The following REDIC1 variants were observed in gnomAD, a reference collection of about 807,000 sequenced individuals.
REDIC1 encodes the protein regulator of DNA class I crossover intermediates 1.
chr12:39,779,358 T>C, the REDIC1 span, among the ~76,000 whole-genome samples: 1 of 152,202 alleles, frequency 6.6e-6, no homozygotes, highest in Non-Finnish European at 1.5e-5. Flanking sequence ...ACTGATGTTT[T>C]TCTACACTTA....
the REDIC1 span, among the ~76,000 whole-genome samples, chr12:39,900,041 C>G: frequency 6.6e-6 from 1 of 152,000 alleles, no homozygotes. Context: ...TCATTATATG[C>G]AAATCAATAA....
At chr12:39,809,752 C>T in the REDIC1 span, among the ~76,000 whole-genome samples, 107 of 152,110 alleles carry the variant, frequency 7.0e-4, no homozygotes, top group African/African-American at 2.4e-3. Flanking sequence ...TGAGAACATG[C>T]GGTGTTTGGT....
the REDIC1 span, among the ~76,000 whole-genome samples, chr12:39,813,490 T>C: frequency 2.0e-5 from 3 of 152,316 alleles, no homozygotes; most frequent in South Asian, 6.2e-4. Flanking sequence ...TTTCATCTGT[T>C]ACTATTTCAG....
the REDIC1 span, among the ~76,000 whole-genome samples, chr12:39,711,823 GCATGTGTATATGTGTGTA>G: frequency 0.035 from 1,735 of 50,088 alleles, 31 homozygotes; most frequent in Non-Finnish European, 0.065. Flanking sequence ...GTGTACACAT[GCATGTGTATATGTGTGTA>G]TACACATGCA....
the REDIC1 span, among the ~76,000 whole-genome samples, chr12:39,774,701 G>C: frequency 6.7e-6 from 1 of 149,112 alleles, no homozygotes; most frequent in African/African-American, 2.5e-5. Context: ...AGTCTTTATT[G>C]AGACAATTAA....
the REDIC1 span, among the ~76,000 whole-genome samples, chr12:39,740,171 A>C: frequency 6.6e-6 from 1 of 152,238 alleles, no homozygotes; most frequent in African/African-American, 2.4e-5. Flanking sequence ...CCTACATTTT[A>C]GATGGTTTAT....
At chr12:39,767,313 T>TTC in the REDIC1 span, among the ~76,000 whole-genome samples, 1 of 151,340 alleles carries the variant, frequency 6.6e-6, no homozygotes, top group South Asian at 2.1e-4. Flanking sequence ...TTTTTTTTCT[T>TTC]TTCCTGAGCA....
chr12:39,786,348 T>C, the REDIC1 span, among the ~76,000 whole-genome samples: 13 of 40,898 alleles, frequency 3.2e-4, no homozygotes, highest in Middle Eastern at 0.026. Flanking sequence ...GCTGCTGCCA[T>C]GTAAGAAGTG....
the REDIC1 span, among the ~76,000 whole-genome samples, chr12:39,901,223 G>A: frequency 5.5e-4 from 83 of 152,134 alleles, no homozygotes; most frequent in African/African-American, 2.0e-3. Flanking sequence ...CGTTAGACCT[G>A]AAACCATAAA....
chr12:39,806,283 G>A, the REDIC1 span, among the ~76,000 whole-genome samples: 1 of 152,160 alleles, frequency 6.6e-6, no homozygotes, highest in Admixed American at 6.5e-5. Flanking sequence ...AGGGAATGAA[G>A]GATATGTCAG....
At chr12:39,770,717 T>C in the REDIC1 span, among the ~76,000 whole-genome samples, 2 of 152,180 alleles carry the variant, frequency 1.3e-5, no homozygotes, top group Admixed American at 6.5e-5. Context: ...CTAGTGCCCC[T>C]CATGACATTT....
the REDIC1 span, chr12:39,691,974 A>T: frequency 7.9e-7 from 1 of 1,257,972 alleles, no homozygotes; most frequent in South Asian, 1.6e-5. Flanking sequence ...ATGAATTGGT[A>T]GTGTAAATAA....
At chr12:39,640,048 G>A in the REDIC1 span, among the ~76,000 whole-genome samples, 1 of 150,758 alleles carries the variant, frequency 6.6e-6, no homozygotes, top group African/African-American at 2.4e-5. Context: ...AGCACATCCA[G>A]AACTACTAGG....
chr12:39,712,975 ATATATACATGTG>A, the REDIC1 span, among the ~76,000 whole-genome samples: 1 of 21,236 alleles, frequency 4.7e-5, no homozygotes, highest in African/African-American at 1.7e-4. Flanking sequence ...GTGTATATGT[ATATATACATGTG>A]TATATACGTG....
At chr12:39,834,698 C>T in the REDIC1 span, among the ~76,000 whole-genome samples, 1 of 152,004 alleles carries the variant, frequency 6.6e-6, no homozygotes, top group Non-Finnish European at 1.5e-5. Flanking sequence ...CTAATCTGGA[C>T]TAAGCCCTTA....
At chr12:39,670,743 CTTTT>C in the REDIC1 span, among the ~76,000 whole-genome samples, 1 of 145,994 alleles carries the variant, frequency 6.8e-6, no homozygotes, top group Admixed American at 6.8e-5. Context: ...ATTTCTTCTT[CTTTT>C]TTTTTTTTTT....
the REDIC1 span, among the ~76,000 whole-genome samples, chr12:39,719,270 A>ATAAT: frequency 1.3e-5 from 2 of 152,164 alleles, no homozygotes; most frequent in African/African-American, 4.8e-5. Context: ...GATCCTGCTT[A>ATAAT]TAATTACATT....
chr12:39,713,028 TATATGTATATATAC>T, the REDIC1 span, among the ~76,000 whole-genome samples: 1 of 141,812 alleles, frequency 7.1e-6, no homozygotes, highest in African/African-American at 2.6e-5. Context: ...TATATACGTG[TATATGTATATATAC>T]ATGTGTATAT....
chr12:39,814,701 T>A, the REDIC1 span, among the ~76,000 whole-genome samples: 3 of 152,208 alleles, frequency 2.0e-5, no homozygotes, highest in Non-Finnish European at 1.5e-5. Flanking sequence ...TATCCCTGCA[T>A]ATACAAACCC....
Sources: gnomAD v4.1 joint callset for allele counts (sites outside exome capture counted in the v4.1 genomes callset) on GRCh38, gnomAD v4.1.1 for gene constraint, MANE v1.5 for transcripts, NCBI Gene and HGNC (gene_info 2026-07-23, HGNC 2026-07-21) for gene names.